PARD3: variants seen among roughly 807,000 people sequenced by gnomAD.
PARD3 encodes the protein partitioning defective 3 homolog.
In PARD3, 75 loss-of-function variants were observed where a neutral mutation model predicts 155.4. That is an observed-to-expected ratio of 0.48 (90% CI 0.40 to 0.58). The LOEUF (loss-of-function observed/expected upper bound fraction) is 0.58, where lower values mean the gene tolerates loss of function less well. Ranked by LOEUF, PARD3 falls within the 20% of genes least tolerant of loss-of-function variation. The pLI is 0.00. For missense variants in PARD3, 1,642 were observed against 1,721.7 expected (o/e 0.95, Z 0.82); for synonymous variants, 576 against 610.5 (o/e 0.94, Z 0.83).
At position 34,399,068 on chromosome 10, in the gene PARD3, AT is replaced by A. The variant is rs144843162; in HGVS notation, c.890+261del. On this transcript the variant is annotated intron_variant, in intron 7 of 24. Coordinates refer to ENST00000374788, the MANE Select transcript of PARD3 (RefSeq NM_001184785.2). ...CATCATCAATTTACAGCAAAGTAAA[AT>A]GTTTGCTTGAGTGTGATGAACAATA... Among the ~76,000 whole-genome samples, 452 of 152,296 alleles carry A rather than the reference AT, an allele frequency of 3.0e-3. 2 individuals carry two copies. The highest frequency in any genetic ancestry group is 0.01 in the African/African-American group (428 of 41,548).
At position 34,313,814 on chromosome 10, in the gene PARD3, G is replaced by C. The variant is rs142915388; in HGVS notation, c.3065+3293C>G. Among the ~76,000 whole-genome samples the C allele has an allele frequency of 4.6e-4, 70 of 152,220 alleles. 1 individual carries two copies. In the East Asian group the frequency reaches 0.013, roughly 28 times the overall value. Reference sequence around the variant, plus strand: ...GGATGGTAGAGGGAGGAGAGCCTGTGAGCCTGTTTTTAAAGGAAAACATAT... The same window carrying C: ...GGATGGTAGAGGGAGGAGAGCCTGTCAGCCTGTTTTTAAAGGAAAACATAT... On this transcript the variant is annotated intron_variant, in intron 20 of 24. Transcript: ENST00000374788.
At chr10:34,670,456 C>T (rs991188194) in intron 2 of PARD3, among the ~76,000 whole-genome samples, 34 of 152,192 alleles carry the variant, frequency 2.2e-4, no homozygotes, top group African/African-American at 7.2e-5. Flanking sequence ...ATCTTCATAT[C>T]GCCTGGTGCT....
chr10:34,364,251 T>C (rs568080407), intron 12 of PARD3, among the ~76,000 whole-genome samples: 1 of 152,248 alleles, frequency 6.6e-6, no homozygotes, highest in African/African-American at 2.4e-5. Flanking sequence ...CAAAATATTG[T>C]GAAGAGAGGC....
At chr10:34,542,064 T>A (rs2083646951) in intron 2 of PARD3, among the ~76,000 whole-genome samples, 1 of 152,132 alleles carries the variant, frequency 6.6e-6, no homozygotes, top group South Asian at 2.1e-4. Flanking sequence ...AAGTGAAGAC[T>A]AACTGTCACA....
chr10:34,255,883 T>C (rs1954627787), intron 22 of PARD3, among the ~76,000 whole-genome samples: 1 of 152,254 alleles, frequency 6.6e-6, no homozygotes. Flanking sequence ...TACATTTTTC[T>C]ATATACATTT....
chr10:34,200,727 T>C (rs779917693), intron 22 of PARD3, among the ~76,000 whole-genome samples: 23 of 152,168 alleles, frequency 1.5e-4, no homozygotes, highest in Non-Finnish European at 2.8e-4. Context: ...GACAAAGCAT[T>C]AGTTACTAGG....
intron 1 of PARD3, among the ~76,000 whole-genome samples, chr10:34,782,840 C>T (rs1048150945): frequency 6.6e-6 from 1 of 151,988 alleles, no homozygotes; most frequent in Non-Finnish European, 1.5e-5. Context: ...AATTCTCCTG[C>T]CCCAGCCTCC....
chr10:34,612,669 G>A (rs1243748252), intron 2 of PARD3, among the ~76,000 whole-genome samples: 2 of 152,198 alleles, frequency 1.3e-5, no homozygotes, highest in Non-Finnish European at 2.9e-5. Flanking sequence ...GAGGGCTATA[G>A]TGAGGTTTTA....
At chr10:34,759,136 C>G (rs1837107562) in intron 1 of PARD3, among the ~76,000 whole-genome samples, 1 of 151,512 alleles carries the variant, frequency 6.6e-6, no homozygotes. Flanking sequence ...GAAAAAAAAA[C>G]TCAATACTGA....
In PARD3 at chr10:34,757,829, G is replaced by A. The variant is rs11009922; in HGVS notation, c.120+57047C>T. The stretch of plus-strand genomic sequence containing the variant: ...CTCATCAGTGACACATTTTTCTGCC[G>A]CTGGTCATAAAATTCAGAGTAAACG... On this transcript the variant is annotated intron_variant, in intron 1 of 24. Coordinates refer to ENST00000374788, the MANE Select transcript of PARD3 (RefSeq NM_001184785.2). Among the ~76,000 whole-genome samples the A allele has an allele frequency of 2.1e-3, 319 of 152,222 alleles. 1 individual carries two copies. The highest frequency in any genetic ancestry group is 7.4e-3 in the African/African-American group (306 of 41,540).
intron 1 of PARD3, among the ~76,000 whole-genome samples, chr10:34,797,932 A>AT (rs1393242919): frequency 6.6e-6 from 1 of 152,232 alleles, no homozygotes. Flanking sequence ...AGGCAGGAGA[A>AT]TTGAATGACT....
intron 2 of PARD3, among the ~76,000 whole-genome samples, chr10:34,609,264 T>C (rs2090702073): frequency 6.6e-6 from 1 of 152,176 alleles, no homozygotes; most frequent in South Asian, 2.1e-4. Context: ...TTAATTAATA[T>C]TCACACAACA....
intron 2 of PARD3, among the ~76,000 whole-genome samples, chr10:34,666,211 T>C (rs1315704977): frequency 3.0e-5 from 3 of 99,346 alleles, no homozygotes; most frequent in Admixed American, 1.2e-4. Context: ...CAGAGCAAGA[T>C]CTTATCAAAA....
chr10:34,625,880 C>G (rs1394544138), intron 2 of PARD3, among the ~76,000 whole-genome samples: 10 of 152,170 alleles, frequency 6.6e-5, no homozygotes, highest in Admixed American at 6.5e-4. Context: ...CATTGCACTC[C>G]AGACTGAGCA....
At chr10:34,473,967 C>T (rs1006485650) in intron 3 of PARD3, among the ~76,000 whole-genome samples, 13 of 152,176 alleles carry the variant, frequency 8.5e-5, no homozygotes, top group African/African-American at 3.1e-4. Context: ...CCCCAGCTTG[C>T]CCTTGAATTC....
At chr10:34,696,522 A>T (rs2094175875) in intron 1 of PARD3, 103 bp from the exon 2 acceptor site, 1 of 749,850 alleles carries the variant, frequency 1.3e-6, no homozygotes, top group African/African-American at 1.7e-5. Flanking sequence ...AAAGGAATCA[A>T]CCTCATATCA....
intron 5 of PARD3, among the ~76,000 whole-genome samples, chr10:34,417,642 T>A (rs1845798888): frequency 6.6e-6 from 1 of 152,198 alleles, no homozygotes; most frequent in African/African-American, 2.4e-5. Flanking sequence ...TGAAAGGAAA[T>A]AATGAGTGCA....
intron 2 of PARD3, among the ~76,000 whole-genome samples, chr10:34,688,719 C>T (rs2093995146): frequency 6.6e-6 from 1 of 152,122 alleles, no homozygotes; most frequent in South Asian, 2.1e-4. Context: ...TGTATAGGCA[C>T]TAACAGAAAA....
At chr10:34,689,070 C>A (rs2094001455) in intron 2 of PARD3, among the ~76,000 whole-genome samples, 1 of 152,158 alleles carries the variant, frequency 6.6e-6, no homozygotes, top group Admixed American at 6.6e-5. Context: ...ACGTTTTCAA[C>A]ATGCATCCAG....
Sources: allele counts gnomAD v4.1 joint callset (sites outside exome capture counted in the v4.1 genomes callset), GRCh38; gene constraint gnomAD v4.1.1; transcripts MANE v1.5; gene names NCBI Gene and HGNC (gene_info 2026-07-23, HGNC 2026-07-21).